Variants in OR4C6 observed in about 807,000 individuals in gnomAD.
OR4C6 encodes olfactory receptor 4C6.
Under a neutral mutation model 13.9 loss-of-function variants are expected in OR4C6, and 20 were observed. That is an observed-to-expected ratio of 1.43 (90% CI 1.01 to 2.08). The LOEUF (loss-of-function observed/expected upper bound fraction) is 2.08. OR4C6 is among the 30% of genes most tolerant of loss of function. The pLI is 0.00. For synonymous variants in OR4C6, 193 were observed against 141.5 expected (o/e 1.36, Z -2.58); for missense variants, 555 against 381.2 (o/e 1.46, Z -3.80).
chr11:55,664,132 G>T (rs1193996604), intron 1 of OR4C6, among the ~76,000 whole-genome samples: 1 of 151,906 alleles, frequency 6.6e-6, no homozygotes, highest in Non-Finnish European at 1.5e-5. Flanking sequence ...AACTCCTAAG[G>T]GCTTTGGTCT....
In OR4C6 at chr11:55,665,552, A is replaced by T; in HGVS notation, c.386A>T (p.His129Leu). The T allele has an allele frequency of 6.2e-7, 1 of 1,613,910 alleles. No homozygotes were observed. Among genetic ancestry groups the T allele is most frequent in the Non-Finnish European group, 8.5e-7 (1 of 1,180,000 alleles). ...DRYVAICKPL[H>L]YTIIMSPRVC... ...TACGTGGCCATCTGTAAGCCCCTGC[A>T]CTACACGATCATCATGAGTCCACGG... The change falls in exon 2 of 2, where the codon CAC (histidine) becomes CTC (leucine). Residue 129 changes from histidine (H) to leucine (L), a missense_variant. Transcript: ENST00000314259.
At position 55,665,689 on chromosome 11, in the gene OR4C6, T is replaced by C. The variant is rs780704593; in HGVS notation, c.523T>C (p.Phe175Leu). 6.2e-7 allele frequency: 1 copy of C among 1,613,896 alleles called. No homozygotes were observed. Among genetic ancestry groups the C allele is most frequent in the Non-Finnish European group, 8.5e-7 (1 of 1,179,946 alleles). Residue 175 changes from phenylalanine (F) to leucine (L), a missense_variant, in exon 2 of 2, where the codon TTT becomes CTT. Coordinates refer to ENST00000314259, the MANE Select transcript of OR4C6 (RefSeq NM_001004704.2). ...PFCGPNIIDH[F>L]ICDLFQLLTL... ...CTGTGGTCCTAATATCATAGATCAC[T>C]TTATATGTGATTTGTTTCAGTTGTT...
At chr11:55,664,109 G>A (rs914433134) in intron 1 of OR4C6, among the ~76,000 whole-genome samples, 4 of 151,862 alleles carry the variant, frequency 2.6e-5, no homozygotes, top group African/African-American at 4.9e-5. Flanking sequence ...ATATAATCTC[G>A]TGCAAGATAT....
At position 55,665,741 on chromosome 11, in the gene OR4C6, T is replaced by C. The variant is rs1303280737; in HGVS notation, c.575T>C (p.Ile192Thr). 6.2e-7 allele frequency: 1 copy of C among 1,613,854 alleles called. No individual in the cohort carries two copies. The highest frequency in any genetic ancestry group is 8.5e-7 in the Non-Finnish European group (1 of 1,180,006). ...ACACTTGCCTGCACGGACACCCACA[T>C]CCTGGGCCTCTTAGTTACCCTCAAC... ...LLTLACTDTHILGLLVTLNSG... is the reference protein window; with the variant it reads ...LLTLACTDTHTLGLLVTLNSG... Residue 192 changes from isoleucine to threonine, a missense_variant, in exon 2 of 2, where the codon ATC (isoleucine) becomes ACC (threonine). Transcript: ENST00000314259.
chr11:55,665,641 C>A lies in OR4C6; in HGVS notation c.475C>A (p.Leu159Ile), dbSNP rs769729916. ...GGFMHAMIQL[L>I]FMYQIPFCGP... is the part of the protein sequence containing the mutation. ...ATTTATGCACGCAATGATACAACTT[C>A]TCTTCATGTATCAAATACCCTTCTG... is the stretch of plus-strand genomic sequence containing the variant. The change falls in exon 2 of 2, where the codon CTC (leucine) becomes ATC (isoleucine). Residue 159 changes from leucine (L) to isoleucine (I), a missense_variant. Leu to Ile is a conservative substitution (Grantham distance 5). Coordinates refer to ENST00000314259, the MANE Select transcript of OR4C6 (RefSeq NM_001004704.2). The A allele has an allele frequency of 6.2e-7, 1 of 1,613,304 alleles. No individual in the cohort carries two copies. Among genetic ancestry groups the A allele is most frequent in the South Asian group, 1.1e-5 (1 of 91,048 alleles).
chr11:55,665,755 G>A lies in OR4C6; in HGVS notation c.589G>A (p.Val197Ile). The change falls in exon 2 of 2, where the codon GTT (valine) becomes ATT (isoleucine). Residue 197 changes from valine (V) to isoleucine (I), a missense_variant. Transcript: ENST00000314259. ...CTDTHILGLL[V>I]TLNSGMMCVA... ...GGACACCCACATCCTGGGCCTCTTA[G>A]TTACCCTCAACAGTGGGATGATGTG... 9.3e-6 allele frequency: 15 copies of A among 1,613,920 alleles called. No individual in the cohort carries two copies. The highest frequency in any genetic ancestry group is 1.3e-5 in the Non-Finnish European group (15 of 1,180,006).
chr11:55,664,086 C>T (rs1233941779), intron 1 of OR4C6, among the ~76,000 whole-genome samples: 1 of 151,678 alleles, frequency 6.6e-6, no homozygotes, highest in Non-Finnish European at 1.5e-5. Context: ...GCCAGCTCCA[C>T]CACAAAATAG....
At chr11:55,664,510 C>T (rs1469864619) in intron 1 of OR4C6, among the ~76,000 whole-genome samples, 4 of 151,918 alleles carry the variant, frequency 2.6e-5, no homozygotes, top group Non-Finnish European at 5.9e-5. Context: ...GGAAAAGAAT[C>T]AATATTTTTT....
chr11:55,664,008 A>G (rs1858701326), intron 1 of OR4C6, among the ~76,000 whole-genome samples: 1 of 106,784 alleles, frequency 9.4e-6, no homozygotes, highest in Non-Finnish European at 2.2e-5. Flanking sequence ...TCCCTGAAAT[A>G]CAATCTATTC....
Position 55,665,756 on chromosome 11 carries a change from T to C in OR4C6, c.590T>C (p.Val197Ala). The change falls in exon 2 of 2, where the codon GTT (valine) becomes GCT (alanine). Residue 197 changes from valine to alanine, a missense_variant. Physicochemically the swap from Val to Ala is moderately conservative, Grantham distance 64. Transcript: ENST00000314259. Reference protein sequence around the residue: ...CTDTHILGLLVTLNSGMMCVA... With the variant: ...CTDTHILGLLATLNSGMMCVA... ...GACACCCACATCCTGGGCCTCTTAG[T>C]TACCCTCAACAGTGGGATGATGTGT... is the stretch of plus-strand genomic sequence containing the variant. 6.2e-7 allele frequency: 1 copy of C among 1,613,970 alleles called. No individual in the cohort carries two copies. The highest frequency in any genetic ancestry group is 8.5e-7 in the Non-Finnish European group (1 of 1,180,002).
At position 55,665,506 on chromosome 11, in the gene OR4C6, A is replaced by G. The variant is rs773752219; in HGVS notation, c.340A>G (p.Thr114Ala). Residue 114 changes from threonine (T) to alanine (A), a missense_variant, in exon 2 of 2, where the codon ACT becomes GCT. By Grantham distance (58) the Thr-to-Ala change is moderately conservative (BLOSUM62 0). Transcript: ENST00000314259. ...TGGTGGTGTGGGGATCATCCTCCTCACTGTGATGGCCTATGACCGCTACGT... is the reference window on the plus strand; with the variant it reads ...TGGTGGTGTGGGGATCATCCTCCTCGCTGTGATGGCCTATGACCGCTACGT... ...FFGGVGIILL[T>A]VMAYDRYVAI... is the part of the protein sequence containing the mutation. 4 of 1,613,460 alleles carry G rather than the reference A, an allele frequency of 2.5e-6. No individual in the cohort carries two copies. The highest frequency in any genetic ancestry group is 1.3e-5 in the African/African-American group (1 of 74,712).
At chr11:55,662,457 A>T (rs1469022607) in intron 1 of OR4C6, among the ~76,000 whole-genome samples, 1 of 139,314 alleles carries the variant, frequency 7.2e-6, no homozygotes, top group Non-Finnish European at 1.6e-5. Flanking sequence ...TTGATAAATG[A>T]TATTGATGTC....
Position 55,665,954 on chromosome 11 carries a change from A to G in OR4C6, c.788A>G (p.His263Arg). ...TTGTACATGAGGCCTGTGGTCACTC[A>G]CCCCATAGACAAGGCAATGGCTGTG... is the stretch of plus-strand genomic sequence containing the variant. ...IFLYMRPVVTHPIDKAMAVSD... is the reference protein window; with the variant it reads ...IFLYMRPVVTRPIDKAMAVSD... Residue 263 changes from histidine to arginine, a missense_variant, in exon 2 of 2, where the codon CAC (histidine) becomes CGC (arginine). His to Arg is a conservative substitution (Grantham distance 29, BLOSUM62 0). Coordinates refer to ENST00000314259, the MANE Select transcript of OR4C6 (RefSeq NM_001004704.2). 6.2e-7 allele frequency: 1 copy of G among 1,613,790 alleles called. No homozygotes were observed. Among genetic ancestry groups the G allele is most frequent in the African/African-American group, 1.3e-5 (1 of 74,844 alleles).
chr11:55,664,150 C>G (rs902836966), intron 1 of OR4C6, among the ~76,000 whole-genome samples: 1 of 151,964 alleles, frequency 6.6e-6, no homozygotes, highest in Non-Finnish European at 1.5e-5. Flanking sequence ...TCTCTCTTTA[C>G]GATGGGAGTA....
Position 55,665,651 on chromosome 11 carries a change from A to G in OR4C6, c.485A>G (p.Tyr162Cys). The change falls in exon 2 of 2, where the codon TAT becomes TGT. Residue 162 changes from tyrosine to cysteine, a missense_variant. Transcript: ENST00000314259. ...GCAATGATACAACTTCTCTTCATGT[A>G]TCAAATACCCTTCTGTGGTCCTAAT... is the stretch of plus-strand genomic sequence containing the variant. ...MHAMIQLLFM[Y>C]QIPFCGPNII... The G allele has an allele frequency of 2.5e-6, 4 of 1,613,880 alleles. No individual in the cohort carries two copies. Among genetic ancestry groups the G allele is most frequent in the Non-Finnish European group, 2.5e-6 (3 of 1,179,952 alleles).
At position 55,666,065 on chromosome 11, in the gene OR4C6, G is replaced by C; in HGVS notation, c.899G>C (p.Trp300Ser). The change falls in exon 2 of 2, where the codon TGG becomes TCG. Residue 300 changes from tryptophan to serine, a missense_variant. By Grantham distance (177) the Trp-to-Ser change is radical. Transcript: ENST00000314259. ...AEVKSAMKKLWMKWEALAGK is the reference protein window; with the variant it reads ...AEVKSAMKKLSMKWEALAGK The stretch of plus-strand genomic sequence containing the variant: ...GTGAAAAGTGCCATGAAGAAACTCT[G>C]GATGAAATGGGAGGCTTTGGCTGGG... 1 of 1,612,642 alleles carries C rather than the reference G, an allele frequency of 6.2e-7. No individual in the cohort carries two copies. Among genetic ancestry groups the C allele is most frequent in the Non-Finnish European group, 8.5e-7 (1 of 1,179,346 alleles).
chr11:55,665,033 A>C (rs1428641554), intron 1 of OR4C6, 92 bp from the exon 2 acceptor site: 5 of 620,210 alleles, frequency 8.1e-6, no homozygotes, highest in South Asian at 7.9e-5. Context: ...TGGAGAATAC[A>C]TGGGTAAAAA....
rs78000252 is a variant in OR4C6, at chr11:55,664,083, C to A, written c.-42-1042C>A. ...AAGCCGTGTGAGCAAAATGCCAGCT[C>A]CACCACAAAATAGTTATATAATCTC... On this transcript the variant is annotated intron_variant, in intron 1 of 1. Transcript: ENST00000314259. Among the ~76,000 whole-genome samples the A allele has an allele frequency of 1.6e-3, 242 of 151,806 alleles. 2 individuals carry two copies. The highest frequency in any genetic ancestry group is 5.1e-3 in the African/African-American group (209 of 41,338).
chr11:55,664,471 T>C (rs932438139), intron 1 of OR4C6, among the ~76,000 whole-genome samples: 2 of 152,036 alleles, frequency 1.3e-5, no homozygotes, highest in African/African-American at 4.8e-5. Context: ...ATGATGATCA[T>C]TTAAAATTTA....
Sources: gnomAD v4.1 joint callset for allele counts (sites outside exome capture counted in the v4.1 genomes callset) on GRCh38, gnomAD v4.1.1 for gene constraint, MANE v1.5 for transcripts, NCBI Gene and HGNC (gene_info 2026-07-23, HGNC 2026-07-21) for gene names.